The following ZNF599 variants were observed in gnomAD, a reference collection of about 807,000 sequenced individuals.
ZNF599 encodes zinc finger protein 599.
ZNF599 carries 10 observed loss-of-function variants against 11.7 expected under a neutral mutation model. The ratio of observed to expected loss-of-function variants is 0.86; its 90% confidence interval spans 0.53 to 1.45. The LOEUF is 1.45. Ranked by LOEUF, ZNF599 falls within the 40% of genes most tolerant of loss-of-function variation. The pLI, the probability that ZNF599 is intolerant of heterozygous loss-of-function variation, is 0.00. For missense variants in ZNF599, 688 were observed against 713.6 expected, an observed-to-expected ratio of 0.96 and a Z score of 0.41; for synonymous variants, 232 against 253.2, an observed-to-expected ratio of 0.92 and a Z score of 0.79.
At chr19:34,781,191 A>G in the ZNF599 span, among the ~76,000 whole-genome samples, 119 of 151,694 alleles carry the variant, frequency 7.8e-4, 1 homozygote, top group African/African-American at 2.8e-3. Context: ...AAAAGGAAGG[A>G]AGGAGAGAGA....
At chr19:34,777,901 C>T (rs1046465659), upstream of ZNF599, among the ~76,000 whole-genome samples, 2 of 151,880 alleles carry the variant, frequency 1.3e-5, no homozygotes, top group Non-Finnish European at 2.9e-5. Flanking sequence ...TGCTGAACAA[C>T]ACAGTGCCTG....
In ZNF599 at chr19:34,773,204, G is replaced by A. The variant is rs942439970; in HGVS notation, c.-363C>T. On this transcript the variant is annotated 5_prime_UTR_variant, in exon 1 of 4. Transcript: ENST00000329285. ...CAGCCGCAACCTAACGGCGGACGAA[G>A]ACTGGACGCCGGAAGTCCCGCCCAC... 2.5e-5 allele frequency: 7 copies of A among 278,858 alleles called. No individual in the cohort carries two copies. The highest frequency in any genetic ancestry group is 4.7e-5 in the Non-Finnish European group (7 of 150,040). The allele number at this position is 278,858 out of a possible 1,614,324, so 17.3% of individuals were successfully genotyped here.
chr19:34,773,195 G>C lies in ZNF599; in HGVS notation c.-354C>G, dbSNP rs2069197646. ...CAACCACAGCAGCCGCAACCTAACGGCGGACGAAGACTGGACGCCGGAAGT... is the reference window on the plus strand; with the variant it reads ...CAACCACAGCAGCCGCAACCTAACGCCGGACGAAGACTGGACGCCGGAAGT... On this transcript the variant is annotated 5_prime_UTR_variant, in exon 1 of 4. Coordinates refer to ENST00000329285, the MANE Select transcript of ZNF599 (RefSeq NM_001007248.3). The C allele has an allele frequency of 1.7e-5, 5 of 294,934 alleles. No homozygotes were observed. The highest frequency in any genetic ancestry group is 2.5e-5 in the Non-Finnish European group (4 of 160,154). The allele number at this position is 294,934 out of a possible 1,614,324, so 18.3% of individuals were successfully genotyped here.
the ZNF599 span, among the ~76,000 whole-genome samples, chr19:34,800,596 T>TTG: frequency 2.0e-5 from 3 of 147,450 alleles, no homozygotes; most frequent in East Asian, 1.9e-4. Flanking sequence ...GTTTTTTTTT[T>TTG]TTTTTTTTTC....
At chr19:34,796,477 A>C in the ZNF599 span, among the ~76,000 whole-genome samples, 1 of 151,556 alleles carries the variant, frequency 6.6e-6, no homozygotes, top group Admixed American at 6.6e-5. Flanking sequence ...TGCCTGGCTA[A>C]TTTTTATATT....
chr19:34,804,933 G>A, the ZNF599 span, among the ~76,000 whole-genome samples: 10 of 152,074 alleles, frequency 6.6e-5, no homozygotes, highest in Non-Finnish European at 1.3e-4. Flanking sequence ...TAGTGTTATC[G>A]GTATTGCACA....
At chr19:34,797,158 G>C in the ZNF599 span, among the ~76,000 whole-genome samples, 1 of 152,060 alleles carries the variant, frequency 6.6e-6, no homozygotes, top group Admixed American at 6.6e-5. Flanking sequence ...ATTTTTTATG[G>C]CTGCATAGTA....
chr19:34,768,322 C>G (rs2069158431), intron 2 of ZNF599, among the ~76,000 whole-genome samples: 1 of 152,160 alleles, frequency 6.6e-6, no homozygotes, highest in Non-Finnish European at 1.5e-5. Context: ...AATGCTGTTC[C>G]CCATACATCT....
chr19:34,787,435 TG>T, the ZNF599 span, among the ~76,000 whole-genome samples: 1 of 152,226 alleles, frequency 6.6e-6, no homozygotes. Context: ...TAACACTATT[TG>T]GCTCCTTTAA....
chr19:34,795,982 C>A, the ZNF599 span, among the ~76,000 whole-genome samples: 1 of 152,036 alleles, frequency 6.6e-6, no homozygotes, highest in Non-Finnish European at 1.5e-5. Context: ...CCACCACGCC[C>A]AGCTAATTTT....
intron 3 of ZNF599, among the ~76,000 whole-genome samples, chr19:34,766,658 A>C (rs929319741): frequency 6.6e-6 from 1 of 152,238 alleles, no homozygotes; most frequent in African/African-American, 2.4e-5. Context: ...ACTATCTTTC[A>C]AATGTAGGCT....
upstream of ZNF599, among the ~76,000 whole-genome samples, chr19:34,777,574 T>C (rs2069227919): frequency 7.8e-6 from 1 of 128,176 alleles, no homozygotes; most frequent in Non-Finnish European, 1.6e-5. Flanking sequence ...TATAAATATA[T>C]ATTTATATAT....
In ZNF599 at chr19:34,767,490, T is replaced by C. The variant is rs938746346; in HGVS notation, c.146-79A>G. On this transcript the variant is annotated intron_variant, in intron 2 of 3. Coordinates refer to ENST00000329285, the MANE Select transcript of ZNF599 (RefSeq NM_001007248.3). ...AGTCTGAGGTGTAAAGGAGTACATA[T>C]ATTTAACATACTGCAATGAAACCCC... is the stretch of plus-strand genomic sequence containing the variant. The C allele has an allele frequency of 2.1e-5, 23 of 1,073,412 alleles. No homozygotes were observed. The African/African-American group carries it at 2.8e-4, about 13-fold the overall frequency. 66.5% of individuals were successfully genotyped at this position (1,073,412 alleles called of 1,614,324 possible). A position where few individuals can be genotyped will look rare whatever the true frequency, so the allele number is the denominator to read the frequency against.
At chr19:34,786,627 C>T in the ZNF599 span, among the ~76,000 whole-genome samples, 1 of 152,144 alleles carries the variant, frequency 6.6e-6, no homozygotes, top group East Asian at 1.9e-4. Context: ...ATAGTTGTGA[C>T]CTGTATCTGT....
the ZNF599 span, among the ~76,000 whole-genome samples, chr19:34,793,781 T>G: frequency 6.6e-6 from 1 of 152,204 alleles, no homozygotes; most frequent in Non-Finnish European, 1.5e-5. Flanking sequence ...GCAGAAGCCC[T>G]CGTGGATTGC....
the ZNF599 span, among the ~76,000 whole-genome samples, chr19:34,787,578 T>C: frequency 6.6e-6 from 1 of 151,852 alleles, no homozygotes; most frequent in African/African-American, 2.4e-5. Flanking sequence ...GAGAGTGGAG[T>C]TGACACAATT....
the ZNF599 span, among the ~76,000 whole-genome samples, chr19:34,787,260 TC>T: frequency 7.0e-6 from 1 of 142,030 alleles, no homozygotes; most frequent in Non-Finnish European, 1.5e-5. Context: ...ATCATCATCA[TC>T]ATCATCACAA....
At chr19:34,786,140 G>C in the ZNF599 span, among the ~76,000 whole-genome samples, 1 of 152,062 alleles carries the variant, frequency 6.6e-6, no homozygotes, top group Non-Finnish European at 1.5e-5. Context: ...CTCTAATCAG[G>C]CTCCTTTGAA....
chr19:34,796,315 ATT>A, the ZNF599 span, among the ~76,000 whole-genome samples: 4 of 141,660 alleles, frequency 2.8e-5, no homozygotes, highest in Non-Finnish European at 3.1e-5. Flanking sequence ...GAGCCCTTCA[ATT>A]TTTTTTTTTT....
Sources: gnomAD v4.1 joint callset for allele counts (sites outside exome capture counted in the v4.1 genomes callset) on GRCh38, gnomAD v4.1.1 for gene constraint, MANE v1.5 for transcripts, NCBI Gene and HGNC (gene_info 2026-07-23, HGNC 2026-07-21) for gene names.